Variants in PHF21B observed in about 807,000 individuals in gnomAD.
PHF21B encodes PHD finger protein 4.
In PHF21B, 22 loss-of-function variants were observed where a neutral mutation model predicts 62.2. The ratio of observed to expected loss-of-function variants is 0.35; its 90% CI spans 0.25 to 0.51. The LOEUF is 0.51. PHF21B is among the 20% of genes least tolerant of loss of function. PHF21B has a pLI of 0.97. For synonymous variants in PHF21B, 341 were observed against 314.7 expected, an observed-to-expected ratio of 1.08 and a Z score of -0.88; for missense variants, 701 against 707.9, an observed-to-expected ratio of 0.99 and a Z score of 0.11.
chr22:44,914,013 TGAGGGGAAGAGAGGAGGGGTG>T lies in PHF21B; in HGVS notation c.619_639del (p.His207_Leu213del). On this transcript the variant is annotated inframe_deletion, in exon 5 of 13. Coordinates refer to ENST00000313237, the MANE Select transcript of PHF21B (RefSeq NM_138415.5). Reference sequence around the variant, plus strand: ...GGGGACAGTGATGGGGAGGGAGGGGTGAGGGGAAGAGAGGAGGGGTGGAGGGGACAGTGATGGGTTGCGGGG... The same window carrying T: ...GGGGACAGTGATGGGGAGGGAGGGGTGAGGGGACAGTGATGGGTTGCGGGG... The T allele has an allele frequency of 1.3e-6, 1 of 773,574 alleles. No homozygotes were observed. The highest frequency in any genetic ancestry group is 1.8e-6 in the Non-Finnish European group (1 of 570,884). 47.9% of individuals were successfully genotyped at this position (773,574 alleles called of 1,614,324 possible).
intron 2 of PHF21B, among the ~76,000 whole-genome samples, chr22:44,982,613 G>A (rs755731555): frequency 1.3e-5 from 2 of 152,166 alleles, no homozygotes; most frequent in Admixed American, 6.5e-5. Context: ...AGCAAGAGAC[G>A]CACATAACCA....
At chr22:44,997,425 G>A in intron 2 of PHF21B, among the ~76,000 whole-genome samples, 1 of 152,066 alleles carries the variant, frequency 6.6e-6, no homozygotes, top group East Asian at 1.9e-4. Flanking sequence ...CTGCAGGGAG[G>A]TGGACGTGGG....
rs1034854285 is a variant in PHF21B, at chr22:44,881,583, T to A, written c.*1503A>T. 2.0e-5 allele frequency: 3 copies of A among 152,822 alleles called. No individual in the cohort carries two copies. The highest frequency in any genetic ancestry group is 7.2e-5 in the African/African-American group (3 of 41,584). The allele number at this position is 152,822 out of a possible 1,614,324, so 9.5% of individuals were successfully genotyped here. ...ATAGATCTGTATCATACAGCACAGT[T>A]TCTCCCGGAGTCGTGAGAATGACAG... is the stretch of plus-strand genomic sequence containing the variant. On this transcript the variant is annotated 3_prime_UTR_variant, in exon 13 of 13. Coordinates refer to ENST00000313237, the MANE Select transcript of PHF21B (RefSeq NM_138415.5).
Position 45,009,675 on chromosome 22 carries a change from G to T in PHF21B, c.-126C>A. The T allele has an allele frequency of 1.2e-6, 1 of 869,140 alleles. No homozygotes were observed. Among genetic ancestry groups the T allele is most frequent in the Non-Finnish European group, 1.6e-6 (1 of 614,952 alleles). 53.8% of individuals were successfully genotyped at this position (869,140 alleles called of 1,614,324 possible). ...CCGGGCTGGGTTGGGGGGGACACGA[G>T]CCCCCTCCCCCACGGCCGAAAGGGA... is the stretch of plus-strand genomic sequence containing the variant. On this transcript the variant is annotated 5_prime_UTR_variant, in exon 1 of 13. Transcript: ENST00000313237. This position sits in a 1 kb window ranked among gnomAD's most constrained non-coding sequence, Gnocchi z 5.9.
Position 45,009,587 on chromosome 22 carries a change from C to T in PHF21B, c.-38G>A, listed in dbSNP as rs2073388116. 1 of 1,524,438 alleles carries T rather than the reference C, an allele frequency of 6.6e-7. No homozygotes were observed. Among genetic ancestry groups the T allele is most frequent in the Non-Finnish European group, 8.7e-7 (1 of 1,147,676 alleles). 94.4% of individuals were successfully genotyped at this position (1,524,438 alleles called of 1,614,324 possible). On this transcript the variant is annotated 5_prime_UTR_variant, in exon 1 of 13. Transcript: ENST00000313237. The surrounding 1 kb of genome is among the most constrained non-coding windows in gnomAD (Gnocchi z 5.9). ...GGCAGCACTTTGCGCTCACTTTGGC[C>T]CGGGCTCCCGGGAAGTTGCGCGGCT... is the stretch of plus-strand genomic sequence containing the variant.
At position 44,986,777 on chromosome 22, in the gene PHF21B, G is replaced by A. The variant is rs73892205; in HGVS notation, c.120+21768C>T. Reference sequence around the variant, plus strand: ...TGCCTCCCACATGCCAGTGTTCCTGGAGCTGGGGAGAGGGCAGGTGAAGGT... The same window carrying A: ...TGCCTCCCACATGCCAGTGTTCCTGAAGCTGGGGAGAGGGCAGGTGAAGGT... On this transcript the variant is annotated intron_variant, in intron 2 of 12. Coordinates refer to ENST00000313237, the MANE Select transcript of PHF21B (RefSeq NM_138415.5). Among the ~76,000 whole-genome samples, 891 of 152,192 alleles carry A rather than the reference G, an allele frequency of 5.9e-3. 9 individuals carry two copies. The highest frequency in any genetic ancestry group is 0.02 in the African/African-American group (850 of 41,530).
At chr22:44,908,484 G>A (rs977960650) in intron 5 of PHF21B, among the ~76,000 whole-genome samples, 5 of 152,248 alleles carry the variant, frequency 3.3e-5, no homozygotes, top group East Asian at 1.9e-4. Context: ...CTGCTGACTC[G>A]ACGTCCCCTT....
At chr22:44,967,501 G>C (rs1234703327) in intron 2 of PHF21B, among the ~76,000 whole-genome samples, 2 of 152,156 alleles carry the variant, frequency 1.3e-5, no homozygotes, top group African/African-American at 2.4e-5. Flanking sequence ...GATTACAGGC[G>C]TGAGCCACTG....
chr22:44,918,957 C>A (rs2071487081), intron 3 of PHF21B, among the ~76,000 whole-genome samples: 1 of 152,144 alleles, frequency 6.6e-6, no homozygotes, highest in African/African-American at 2.4e-5. Flanking sequence ...GGCCTCTCCA[C>A]CCCCAGGACT....
intron 5 of PHF21B, among the ~76,000 whole-genome samples, chr22:44,902,838 G>A (rs1569216730): frequency 6.6e-6 from 1 of 151,988 alleles, no homozygotes; most frequent in East Asian, 1.9e-4. Context: ...TCATATTGAT[G>A]TTTTGTTGTT....
intron 2 of PHF21B, among the ~76,000 whole-genome samples, chr22:44,979,955 G>C (rs981087589): frequency 1.3e-5 from 2 of 150,032 alleles, no homozygotes; most frequent in African/African-American, 4.9e-5. Context: ...TGTAGTCCCA[G>C]CTACTCGGGA....
rs541378444 is a variant in PHF21B at position 44,927,552 on chromosome 22, C to T, written c.121-7062G>A. Among the ~76,000 whole-genome samples, 5 of 152,286 alleles carry T rather than the reference C, an allele frequency of 3.3e-5. No homozygotes were observed. In the East Asian group the frequency reaches 7.7e-4, roughly 24 times the overall value. ...GGCCCCCTCCTCACCGCCCTGGGGA[C>T]GGTGGGTTCCTTTTCGAACACTGCC... is the stretch of plus-strand genomic sequence containing the variant. On this transcript the variant is annotated intron_variant, in intron 2 of 12. Transcript: ENST00000313237.
intron 12 of PHF21B, among the ~76,000 whole-genome samples, chr22:44,884,707 TCACCAC>T (rs1258951033): frequency 1.4e-5 from 2 of 139,120 alleles, no homozygotes; most frequent in Non-Finnish European, 3.1e-5. Flanking sequence ...ACCATCACCA[TCACCAC>T]CATGATCACC....
At chr22:44,898,046 C>T (rs1464940080) in intron 5 of PHF21B, among the ~76,000 whole-genome samples, 7 of 152,132 alleles carry the variant, frequency 4.6e-5, no homozygotes, top group Admixed American at 2.6e-4. Context: ...TGGCTTCAAG[C>T]GATCCTCCCA....
intron 2 of PHF21B, among the ~76,000 whole-genome samples, chr22:44,994,562 G>A (rs1206962910): frequency 6.6e-6 from 1 of 152,236 alleles, no homozygotes; most frequent in Non-Finnish European, 1.5e-5. Context: ...ATTTTACGCT[G>A]CCCAGCTCGT....
At chr22:44,921,230 G>GATGGCAC (rs1412212057) in intron 2 of PHF21B, among the ~76,000 whole-genome samples, 1 of 152,216 alleles carries the variant, frequency 6.6e-6, no homozygotes, top group Non-Finnish European at 1.5e-5. Flanking sequence ...GGAGAAGGGA[G>GATGGCAC]ATGGCACCCT....
At position 45,009,105 on chromosome 22, in the gene PHF21B, C is replaced by T; in HGVS notation, c.54+391G>A. The stretch of plus-strand genomic sequence containing the variant: ...GCAGCGATCGCCAAAACTACTTCTG[C>T]ACACCGGGCAGGTTCGCCCGGGGCG... On this transcript the variant is annotated intron_variant, in intron 1 of 12. Transcript: ENST00000313237. The surrounding 1 kb of genome is among the most constrained non-coding windows in gnomAD (Gnocchi z 5.9). 1.0e-6 allele frequency: 1 copy of T among 980,152 alleles called. No individual in the cohort carries two copies. The highest frequency in any genetic ancestry group is 1.3e-6 in the Non-Finnish European group (1 of 778,130). 60.7% of individuals were successfully genotyped at this position (980,152 alleles called of 1,614,324 possible).
intron 2 of PHF21B, among the ~76,000 whole-genome samples, chr22:44,961,828 G>A (rs893916695): frequency 2.6e-5 from 4 of 151,318 alleles, no homozygotes; most frequent in Non-Finnish European, 5.9e-5. Flanking sequence ...CTGGGTGACA[G>A]AGCGAGACTC....
chr22:44,882,786 G>A lies in PHF21B; in HGVS notation c.*300C>T. The A allele has an allele frequency of 2.9e-6, 1 of 346,446 alleles. No individual in the cohort carries two copies. The highest frequency in any genetic ancestry group is 5.3e-6 in the Non-Finnish European group (1 of 189,320). The allele number at this position is 346,446 out of a possible 1,614,324, so 21.5% of individuals were successfully genotyped here. A position where few individuals can be genotyped will look rare whatever the true frequency, so the allele number is the denominator to read the frequency against. Reference sequence around the variant, plus strand: ...GGCCAGAGGGAGGCCGTGGAGAGCAGGGCCTGGAAGCCAGAGGCCCAGGCA... The same window carrying A: ...GGCCAGAGGGAGGCCGTGGAGAGCAAGGCCTGGAAGCCAGAGGCCCAGGCA... On this transcript the variant is annotated 3_prime_UTR_variant, in exon 13 of 13. Coordinates refer to ENST00000313237, the MANE Select transcript of PHF21B (RefSeq NM_138415.5).
Sources: allele counts gnomAD v4.1 joint callset (sites outside exome capture counted in the v4.1 genomes callset), GRCh38; gene constraint gnomAD v4.1.1; non-coding constraint Gnocchi (gnomAD v3.1); transcripts MANE v1.5; gene names NCBI Gene and HGNC (gene_info 2026-07-23, HGNC 2026-07-21).